PDE4B: variants seen among roughly 807,000 people sequenced by gnomAD.
PDE4B encodes 3',5'-cyclic-AMP phosphodiesterase 4B.
In PDE4B, 20 loss-of-function variants were observed where a neutral mutation model predicts 82.2. The ratio of observed to expected loss-of-function variants is 0.24; its 90% CI spans 0.17 to 0.35. The LOEUF is 0.35. Ranked by LOEUF, PDE4B falls within the 10% of genes least tolerant of loss-of-function variation. PDE4B has a pLI of 1.00. For synonymous variants in PDE4B, 320 were observed against 318.9 expected (o/e 1.00, Z -0.04); for missense variants, 655 against 907.2 (o/e 0.72, Z 3.57).
chr1:65,913,987 A>G (rs1371641755), intron 2 of PDE4B, among the ~76,000 whole-genome samples: 1 of 152,186 alleles, frequency 6.6e-6, no homozygotes, highest in Non-Finnish European at 1.5e-5. Context: ...ACTATCTTCT[A>G]TAGCTTTGGA....
At chr1:66,305,248 C>A (rs1234369195) in intron 7 of PDE4B, among the ~76,000 whole-genome samples, 1 of 152,054 alleles carries the variant, frequency 6.6e-6, no homozygotes, top group Non-Finnish European at 1.5e-5. Flanking sequence ...TGCAAAAACC[C>A]AGAGGAAAAG....
intron 4 of PDE4B, among the ~76,000 whole-genome samples, chr1:66,254,857 G>A (rs76608659): frequency 0.024 from 3,707 of 152,098 alleles, 61 homozygotes; most frequent in Middle Eastern, 0.054. Context: ...ATCAGAATGG[G>A]TGCAATTTCT....
At chr1:65,969,714 C>T (rs918833134) in intron 3 of PDE4B, among the ~76,000 whole-genome samples, 5 of 152,054 alleles carry the variant, frequency 3.3e-5, no homozygotes, top group African/African-American at 7.2e-5. Flanking sequence ...ATATTAATGA[C>T]ATTTTTACTG....
chr1:66,064,178 G>T (rs1179302870), intron 3 of PDE4B, among the ~76,000 whole-genome samples: 3 of 151,942 alleles, frequency 2.0e-5, no homozygotes, highest in African/African-American at 7.2e-5. Context: ...AGCAAAAATA[G>T]AATTTGCTTC....
chr1:65,893,026 C>T (rs189946538), intron 1 of PDE4B, among the ~76,000 whole-genome samples: 3 of 151,718 alleles, frequency 2.0e-5, no homozygotes, highest in Admixed American at 6.6e-5. Context: ...TTTTATTGTA[C>T]CCCCTAAAGG....
chr1:66,293,355 G>A (rs373223555), intron 7 of PDE4B, among the ~76,000 whole-genome samples: 39 of 151,536 alleles, frequency 2.6e-4, no homozygotes, highest in East Asian at 9.6e-4. Context: ...AATATTTGCC[G>A]TGGTATTGTA....
chr1:66,294,220 A>C (rs558266869), intron 7 of PDE4B, among the ~76,000 whole-genome samples: 5 of 152,278 alleles, frequency 3.3e-5, no homozygotes, highest in African/African-American at 1.2e-4. Context: ...AAAATTAAAA[A>C]AAAAAATCTG....
chr1:66,189,121 G>A (rs908435936), intron 3 of PDE4B, among the ~76,000 whole-genome samples: 6 of 151,982 alleles, frequency 3.9e-5, no homozygotes, highest in African/African-American at 1.2e-4. Context: ...ATGAAATTCT[G>A]GGTTGAAAAT....
intron 3 of PDE4B, among the ~76,000 whole-genome samples, chr1:66,075,244 C>G (rs1656358427): frequency 6.6e-6 from 1 of 152,094 alleles, no homozygotes; most frequent in Admixed American, 6.5e-5. Context: ...AAAAATTATC[C>G]CATGCTAAGC....
intron 3 of PDE4B, among the ~76,000 whole-genome samples, chr1:66,004,492 TCA>T (rs975136761): frequency 1.3e-5 from 2 of 152,136 alleles, no homozygotes; most frequent in Non-Finnish European, 2.9e-5. Context: ...CTCTCATTCA[TCA>T]CAGAGACCAT....
At position 66,361,696 on chromosome 1, in the gene PDE4B, T is replaced by C; in HGVS notation, c.923T>C (p.Ile308Thr). Residue 308 changes from isoleucine to threonine, a missense_variant, in exon 10 of 17, where the codon ATA becomes ACA. Around this residue, in one of 3 missense-constraint regions of PDE4B, gnomAD observed 283 missense variants for 516.4 expected, o/e 0.55. Coordinates refer to ENST00000341517, the MANE Select transcript of PDE4B (RefSeq NM_002600.4). Reference protein sequence around the residue: ...KKKKQQLMTQISGVKKLMHSS... With the variant: ...KKKKQQLMTQTSGVKKLMHSS... ...AAAAAGCAGCAGCTCATGACCCAGATAAGTGGAGTGAAGAAATTAATGCAT... is the reference window on the plus strand; with the variant it reads ...AAAAAGCAGCAGCTCATGACCCAGACAAGTGGAGTGAAGAAATTAATGCAT... 1 of 1,613,496 alleles carries C rather than the reference T, an allele frequency of 6.2e-7. No homozygotes were observed. Among genetic ancestry groups the C allele is most frequent in the Non-Finnish European group, 8.5e-7 (1 of 1,179,576 alleles).
At chr1:65,809,624 A>G (rs368006519) in intron 1 of PDE4B, among the ~76,000 whole-genome samples, 38 of 152,216 alleles carry the variant, frequency 2.5e-4, no homozygotes, top group African/African-American at 8.7e-4. Flanking sequence ...TACATGATAT[A>G]GGATATTTAA....
chr1:65,825,160 G>C (rs1645999792), intron 1 of PDE4B, among the ~76,000 whole-genome samples: 2 of 152,170 alleles, frequency 1.3e-5, no homozygotes, highest in South Asian at 4.1e-4. Flanking sequence ...AAGTTTCTGA[G>C]AAAGATAATT....
intron 3 of PDE4B, among the ~76,000 whole-genome samples, chr1:65,962,830 T>C (rs1403472325): frequency 6.6e-6 from 1 of 152,120 alleles, no homozygotes; most frequent in Non-Finnish European, 1.5e-5. Context: ...CCATGTAATT[T>C]AGATCCAAAA....
chr1:66,207,910 C>T lies in PDE4B; in HGVS notation c.282-39550C>T, dbSNP rs12029209. Among the ~76,000 whole-genome samples, 1,944 of 152,250 alleles carry T rather than the reference C, an allele frequency of 0.013. 92 individuals are homozygous for T. The East Asian group carries it at 0.15, about 12-fold the overall frequency. Reference sequence around the variant, plus strand: ...AAGAACCGTAAGGTTTGATCTCAGGCTTGTTTATCCTCCTTATATTTTATT... The same window carrying T: ...AAGAACCGTAAGGTTTGATCTCAGGTTTGTTTATCCTCCTTATATTTTATT... On this transcript the variant is annotated intron_variant, in intron 3 of 16. Transcript: ENST00000341517.
chr1:66,160,184 G>A (rs1570367041), intron 3 of PDE4B, among the ~76,000 whole-genome samples: 1 of 152,140 alleles, frequency 6.6e-6, no homozygotes, highest in Admixed American at 6.5e-5. Flanking sequence ...GTGTAGAGGA[G>A]TAGGACTGAG....
intron 8 of PDE4B, among the ~76,000 whole-genome samples, chr1:66,337,071 C>T (rs1336378694): frequency 6.6e-6 from 1 of 152,190 alleles, no homozygotes; most frequent in African/African-American, 2.4e-5. Context: ...GGAAATAGAT[C>T]TTACTGGCCA....
At chr1:66,187,238 T>C (rs1278619682) in intron 3 of PDE4B, among the ~76,000 whole-genome samples, 1 of 151,938 alleles carries the variant, frequency 6.6e-6, no homozygotes, top group African/African-American at 2.4e-5. Flanking sequence ...AGTTTGCCAG[T>C]ATTTTACTGA....
At chr1:66,274,948 C>CT (rs1196356291) in intron 7 of PDE4B, among the ~76,000 whole-genome samples, 3 of 151,440 alleles carry the variant, frequency 2.0e-5, no homozygotes, top group Non-Finnish European at 4.4e-5. Context: ...AAGTTTAAGA[C>CT]TTTTTTTTTC....
Sources: gnomAD v4.1 joint callset for allele counts (sites outside exome capture counted in the v4.1 genomes callset) on GRCh38, gnomAD v4.1.1 for gene constraint, gnomAD v4.1.1 regional missense constraint, MANE v1.5 for transcripts, NCBI Gene and HGNC (gene_info 2026-07-23, HGNC 2026-07-21) for gene names.